STK39: variants seen among roughly 807,000 people sequenced by gnomAD.
STK39 encodes the protein STE20/SPS1-related proline-alanine-rich protein kinase.
Under a neutral mutation model 77.8 loss-of-function variants are expected in STK39, and 20 were observed. The ratio of observed to expected loss-of-function variants is 0.26; its 90% CI spans 0.18 to 0.37. STK39 has a LOEUF of 0.37. STK39 is among the 10% of genes least tolerant of loss of function. The pLI, the probability that STK39 is intolerant of heterozygous loss-of-function variation, is 1.00. For missense variants in STK39, 479 were observed against 656.5 expected, an observed-to-expected ratio of 0.73 and a Z score of 2.95; for synonymous variants, 246 against 234.1, an observed-to-expected ratio of 1.05 and a Z score of -0.47.
intron 2 of STK39, 97 bp downstream of exon 2, chr2:168,181,881 A>T: frequency 9.8e-7 from 1 of 1,022,168 alleles, no homozygotes; most frequent in Non-Finnish European, 1.5e-6. Context: ...TGCATATGTC[A>T]AAACTGGAGA....
intron 2 of STK39, among the ~76,000 whole-genome samples, chr2:168,171,129 A>C (rs1445090756): frequency 2.6e-5 from 4 of 152,224 alleles, no homozygotes; most frequent in Non-Finnish European, 4.4e-5. Context: ...AGAGCTGTTC[A>C]TGCAGCTCCA....
chr2:167,997,074 C>A (rs769072872), intron 16 of STK39, among the ~76,000 whole-genome samples: 1 of 149,366 alleles, frequency 6.7e-6, no homozygotes, highest in Non-Finnish European at 1.5e-5. Context: ...TACACCCTTC[C>A]GAGTGTCTGT....
rs182593258 is a variant in STK39 at position 168,063,375 on chromosome 2, G to C, written c.1376+125C>G. On this transcript the variant is annotated intron_variant, in intron 14 of 17. Coordinates refer to ENST00000355999, the MANE Select transcript of STK39 (RefSeq NM_013233.3). ...CCCTGGGAATACAGCATACACTCAT[G>C]GTTCGGGGAAATCAAATAAGCTAAC... 21 of 823,776 alleles carry C rather than the reference G, an allele frequency of 2.5e-5. No individual in the cohort carries two copies. The East Asian group carries it at 5.6e-4, about 22-fold the overall frequency. The allele number at this position is 823,776 out of a possible 1,614,324, so 51.0% of individuals were successfully genotyped here. A position where few individuals can be genotyped will look rare whatever the true frequency, so the allele number is the denominator to read the frequency against.
intron 10 of STK39, among the ~76,000 whole-genome samples, chr2:168,112,149 A>G (rs1358957879): frequency 6.6e-6 from 1 of 151,986 alleles, no homozygotes; most frequent in Non-Finnish European, 1.5e-5. Context: ...CCAGGAGCCA[A>G]AAGTGGAAAT....
intron 1 of STK39, among the ~76,000 whole-genome samples, chr2:168,233,168 C>T (rs1217630122): frequency 6.6e-6 from 1 of 152,174 alleles, no homozygotes; most frequent in African/African-American, 2.4e-5. Flanking sequence ...TACACAGAAA[C>T]ACTTTTCCCT....
chr2:168,214,256 CAA>C (rs11445474), intron 1 of STK39, among the ~76,000 whole-genome samples: 2 of 149,508 alleles, frequency 1.3e-5, no homozygotes, highest in South Asian at 2.1e-4. Context: ...ACAACAACAA[CAA>C]AAAAAAAACA....
At chr2:168,153,948 T>G (rs749141164) in intron 5 of STK39, among the ~76,000 whole-genome samples, 1 of 152,152 alleles carries the variant, frequency 6.6e-6, no homozygotes, top group Non-Finnish European at 1.5e-5. Flanking sequence ...TCAACTTAGT[T>G]TAACAGCATT....
intron 1 of STK39, among the ~76,000 whole-genome samples, chr2:168,217,605 T>C (rs550726803): frequency 6.6e-6 from 1 of 152,224 alleles, no homozygotes; most frequent in Non-Finnish European, 1.5e-5. Flanking sequence ...AAGAACCCTG[T>C]ATAAAATGAT....
At chr2:168,127,584 A>G (rs1687577120) in intron 10 of STK39, among the ~76,000 whole-genome samples, 1 of 152,254 alleles carries the variant, frequency 6.6e-6, no homozygotes, top group Non-Finnish European at 1.5e-5. Context: ...GCTGGAGGTT[A>G]GAATATAAGA....
At chr2:168,159,768 G>A (rs1417876298) in intron 5 of STK39, among the ~76,000 whole-genome samples, 2 of 152,108 alleles carry the variant, frequency 1.3e-5, no homozygotes, top group Non-Finnish European at 2.9e-5. Flanking sequence ...GCATGAAGTC[G>A]CATACTCAAA....
intron 10 of STK39, among the ~76,000 whole-genome samples, chr2:168,087,685 C>G (rs1686405360): frequency 6.6e-6 from 1 of 152,202 alleles, no homozygotes; most frequent in African/African-American, 2.4e-5. Flanking sequence ...TTATAGGTCT[C>G]TCCTACTGGT....
chr2:168,198,251 C>T (rs552810452), intron 1 of STK39, among the ~76,000 whole-genome samples: 53 of 152,268 alleles, frequency 3.5e-4, no homozygotes, highest in African/African-American at 1.2e-3. Context: ...AGATCCCAAA[C>T]ACTTTTCATG....
Position 168,102,696 on chromosome 2 carries a change from A to G in STK39, c.1089+26845T>C, listed in dbSNP as rs947983676. 8.5e-5 allele frequency among the ~76,000 whole-genome samples: 13 copies of G among 152,102 alleles called. 1 individual carries two copies. The highest frequency in any genetic ancestry group is 3.9e-4 in the East Asian group (2 of 5,142). On this transcript the variant is annotated intron_variant, in intron 10 of 17. Transcript: ENST00000355999. ...TGTAATCCCAGCACTTTGGGAGGCC[A>G]AGGCGGGCAGATTATGAGGTAAGGA...
intron 5 of STK39, among the ~76,000 whole-genome samples, chr2:168,157,157 A>G (rs1471252656): frequency 6.6e-6 from 1 of 152,096 alleles, no homozygotes; most frequent in East Asian, 1.9e-4. Flanking sequence ...AGTGTTCAAG[A>G]TGCAGATTTA....
At chr2:168,167,810 C>T (rs1404002203) in intron 2 of STK39, among the ~76,000 whole-genome samples, 6 of 152,194 alleles carry the variant, frequency 3.9e-5, no homozygotes, top group Admixed American at 3.9e-4. Context: ...CCAGCCTGAA[C>T]TCTGGTGGAT....
intron 2 of STK39, among the ~76,000 whole-genome samples, chr2:168,170,913 C>T (rs6740492): frequency 0.43 from 65,694 of 152,064 alleles, 16,241 homozygotes; most frequent in East Asian, 0.77. Context: ...AAAAAAGAAA[C>T]GCAAGCAAAC....
At chr2:168,203,473 G>A (rs2105679794) in intron 1 of STK39, among the ~76,000 whole-genome samples, 1 of 152,216 alleles carries the variant, frequency 6.6e-6, no homozygotes. Flanking sequence ...AAAAAAACAG[G>A]ATCATTTTGC....
chr2:167,959,055 T>C (rs1320287644), intron 17 of STK39, among the ~76,000 whole-genome samples: 1 of 152,170 alleles, frequency 6.6e-6, no homozygotes, highest in Non-Finnish European at 1.5e-5. Flanking sequence ...CAAAATCCTA[T>C]TTTTGCTTGA....
intron 1 of STK39, among the ~76,000 whole-genome samples, chr2:168,241,857 C>T (rs936038243): frequency 6.6e-6 from 1 of 152,200 alleles, no homozygotes; most frequent in Non-Finnish European, 1.5e-5. Context: ...TTTATCATCC[C>T]TATGTTACCA....
Sources: allele counts gnomAD v4.1 joint callset (sites outside exome capture counted in the v4.1 genomes callset), GRCh38; gene constraint gnomAD v4.1.1; transcripts MANE v1.5; gene names NCBI Gene and HGNC (gene_info 2026-07-23, HGNC 2026-07-21).